Variants in ARID5B observed in about 807,000 individuals in gnomAD.
ARID5B encodes the protein AT-rich interactive domain-containing protein 5B.
In ARID5B, 13 loss-of-function variants were observed where a neutral mutation model predicts 97.2. That is an observed-to-expected ratio of 0.13 (90% CI 0.09 to 0.21). ARID5B has a LOEUF of 0.21. Ranked by LOEUF, ARID5B falls within the 10% of genes least tolerant of loss-of-function variation. The probability of loss-of-function intolerance (pLI) is 1.00; values close to 1 mark genes in which losing one functional copy is unlikely to be tolerated. For missense variants in ARID5B, 1,210 were observed against 1,465.3 expected, an observed-to-expected ratio of 0.83 and a Z score of 2.84; for synonymous variants, 556 against 570.3, an observed-to-expected ratio of 0.97 and a Z score of 0.36.
chr10:61,952,088 A>C (rs1838331623), intron 3 of ARID5B, among the ~76,000 whole-genome samples: 1 of 152,138 alleles, frequency 6.6e-6, no homozygotes, highest in Non-Finnish European at 1.5e-5. Context: ...ACGTTAAGAC[A>C]CCTATCCCCT....
At chr10:61,926,651 CA>C (rs1844110775) in intron 2 of ARID5B, among the ~76,000 whole-genome samples, 1 of 152,096 alleles carries the variant, frequency 6.6e-6, no homozygotes, top group Admixed American at 6.5e-5. Flanking sequence ...GCTCTGTCAC[CA>C]GGCTGGAGTG....
At chr10:61,969,994 T>A (rs1329852247) in intron 3 of ARID5B, among the ~76,000 whole-genome samples, 1 of 152,198 alleles carries the variant, frequency 6.6e-6, no homozygotes, top group Non-Finnish European at 1.5e-5. Flanking sequence ...ACGAGAAAAG[T>A]GACTTAACAT....
At chr10:62,056,297 C>T (rs750866495) in intron 5 of ARID5B, among the ~76,000 whole-genome samples, 5 of 152,066 alleles carry the variant, frequency 3.3e-5, no homozygotes, top group Admixed American at 6.6e-5. Flanking sequence ...TTTTAGCTGA[C>T]CTCTACTCTT....
At chr10:61,961,769 T>G (rs908448942) in intron 3 of ARID5B, among the ~76,000 whole-genome samples, 2 of 152,108 alleles carry the variant, frequency 1.3e-5, no homozygotes, top group African/African-American at 2.4e-5. Flanking sequence ...TTTTCTGAGA[T>G]GGAGTTTCAC....
chr10:62,076,426 T>C (rs1840134911), intron 8 of ARID5B, among the ~76,000 whole-genome samples: 1 of 151,884 alleles, frequency 6.6e-6, no homozygotes, highest in Admixed American at 6.6e-5. Context: ...CCTGTAATCC[T>C]GACTACTCAG....
chr10:61,911,017 TC>T (rs1387619296), intron 2 of ARID5B, among the ~76,000 whole-genome samples: 1 of 152,062 alleles, frequency 6.6e-6, no homozygotes, highest in African/African-American at 2.4e-5. Context: ...AAACATCTTT[TC>T]CCCCACCTTT....
intron 2 of ARID5B, among the ~76,000 whole-genome samples, chr10:61,935,171 T>A (rs934315406): frequency 6.6e-6 from 1 of 152,152 alleles, no homozygotes; most frequent in African/African-American, 2.4e-5. Context: ...CACAACTTGC[T>A]TCCCACAGAC....
At chr10:62,024,990 C>G (rs573925270) in intron 4 of ARID5B, 3 of 231,878 alleles carry the variant, frequency 1.3e-5, no homozygotes, top group Admixed American at 5.7e-5. Flanking sequence ...AAGTATAATT[C>G]GTTTTCGTAG....
chr10:61,957,009 G>C (rs1426343171), intron 3 of ARID5B, among the ~76,000 whole-genome samples: 1 of 152,080 alleles, frequency 6.6e-6, no homozygotes, highest in East Asian at 1.9e-4. Context: ...AGGCTCAAGT[G>C]ATCCTCCCAC....
At chr10:62,011,014 C>T (rs1003074235) in intron 4 of ARID5B, among the ~76,000 whole-genome samples, 1 of 152,180 alleles carries the variant, frequency 6.6e-6, no homozygotes, top group African/African-American at 2.4e-5. Context: ...GCCAGTATAA[C>T]ATTCTCATAT....
Position 61,911,205 on chromosome 10 carries a change from T to A in ARID5B, c.276+8792T>A, listed in dbSNP as rs563290065. Among the ~76,000 whole-genome samples the A allele has an allele frequency of 7.2e-5, 11 of 152,342 alleles. 1 individual carries two copies. The East Asian group carries it at 2.1e-3, about 29-fold the overall frequency. ...CTGTGCAAGCTGGAAAATAAAAATGTTCTAATTGTGTCTTTTAAATAAGCA... is the reference window on the plus strand; with the variant it reads ...CTGTGCAAGCTGGAAAATAAAAATGATCTAATTGTGTCTTTTAAATAAGCA... On this transcript the variant is annotated intron_variant, in intron 2 of 9. Coordinates refer to ENST00000279873, the MANE Select transcript of ARID5B (RefSeq NM_032199.3).
chr10:62,048,268 G>T (rs1834177692), intron 4 of ARID5B, among the ~76,000 whole-genome samples: 1 of 152,206 alleles, frequency 6.6e-6, no homozygotes, highest in Non-Finnish European at 1.5e-5. Flanking sequence ...CCTTTTGGGT[G>T]TTGTGCTGGG....
Position 62,095,981 on chromosome 10 carries a change from A to T in ARID5B, c.*2951A>T. On this transcript the variant is annotated 3_prime_UTR_variant, in exon 10 of 10. Coordinates refer to ENST00000279873, the MANE Select transcript of ARID5B (RefSeq NM_032199.3). ...TGGAGATTTGGAGATTCTAAATAAT[A>T]TTTTTAAAAAACTTCCATGCAACTT... The T allele has an allele frequency of 4.3e-6, 1 of 232,608 alleles. No homozygotes were observed. The allele number at this position is 232,608 out of a possible 1,614,324, so 14.4% of individuals were successfully genotyped here.
chr10:61,921,170 G>A (rs750527589), intron 2 of ARID5B, among the ~76,000 whole-genome samples: 11 of 152,082 alleles, frequency 7.2e-5, no homozygotes, highest in African/African-American at 2.4e-4. Flanking sequence ...TGGTTGTATC[G>A]GTTATCTATT....
At chr10:62,029,063 C>T (rs553040945) in intron 4 of ARID5B, among the ~76,000 whole-genome samples, 3 of 152,198 alleles carry the variant, frequency 2.0e-5, no homozygotes, top group Non-Finnish European at 2.9e-5. Context: ...GAGATCTGCT[C>T]GCCTCCATCT....
intron 2 of ARID5B, among the ~76,000 whole-genome samples, chr10:61,936,756 C>G (rs1334421966): frequency 6.7e-6 from 1 of 148,514 alleles, no homozygotes; most frequent in Non-Finnish European, 1.5e-5. Flanking sequence ...CATGCTACTT[C>G]ATTTGTATCA....
chr10:61,965,582 G>T (rs1383755033), intron 3 of ARID5B, among the ~76,000 whole-genome samples: 1 of 152,074 alleles, frequency 6.6e-6, no homozygotes, highest in Non-Finnish European at 1.5e-5. Context: ...TCTCTGAAGT[G>T]AATGGTTTTT....
Position 62,052,397 on chromosome 10 carries a change from G to A in ARID5B, c.846+1397G>A, listed in dbSNP as rs958561101. Among the ~76,000 whole-genome samples the A allele has an allele frequency of 7.2e-5, 11 of 152,288 alleles. 1 individual carries two copies. The East Asian group carries it at 1.9e-3, about 27-fold the overall frequency. On this transcript the variant is annotated intron_variant, in intron 5 of 9. Transcript: ENST00000279873. ...AGATCCTGCAGAATGGCGCAAGAAG[G>A]TTTCAAGACCATAACATTCAGCAGA...
intron 3 of ARID5B, among the ~76,000 whole-genome samples, chr10:61,976,550 C>T (rs573269700): frequency 1.2e-4 from 19 of 152,242 alleles, no homozygotes; most frequent in African/African-American, 4.6e-4. Flanking sequence ...AGAGTGTATG[C>T]TGTTGAAACA....
Sources: gnomAD v4.1 joint callset for allele counts (sites outside exome capture counted in the v4.1 genomes callset) on GRCh38, gnomAD v4.1.1 for gene constraint, MANE v1.5 for transcripts, NCBI Gene and HGNC (gene_info 2026-07-23, HGNC 2026-07-21) for gene names.